Variants in CNTNAP2 observed in about 807,000 individuals in gnomAD.
CNTNAP2 encodes contactin associated protein 2, also known as contactin-associated protein-like 2.
In CNTNAP2, 98 loss-of-function variants were observed where a neutral mutation model predicts 155.2. That is an observed-to-expected ratio of 0.63 (90% confidence interval 0.54 to 0.75). The LOEUF is 0.75. Among genes scored for constraint, CNTNAP2 ranks in the 30% least tolerant of loss-of-function variants. The pLI is 0.00. For synonymous variants in CNTNAP2, 651 were observed against 631.2 expected (o/e 1.03, Z -0.47); for missense variants, 1,727 against 1,688.1 (o/e 1.02, Z -0.40).
intron 3 of CNTNAP2, among the ~76,000 whole-genome samples, chr7:146,958,763 A>G (rs1022932558): frequency 9.2e-5 from 14 of 151,954 alleles, no homozygotes; most frequent in African/African-American, 3.4e-4. Flanking sequence ...TTCATCTGTC[A>G]TATATAGCCT....
At chr7:146,133,153 C>G (rs1024013375) in intron 1 of CNTNAP2, among the ~76,000 whole-genome samples, 6 of 151,878 alleles carry the variant, frequency 4.0e-5, no homozygotes, top group Non-Finnish European at 8.8e-5. Context: ...TTGCATTTCT[C>G]TGATGGCCAG....
At chr7:146,354,411 ATTTTT>A (rs10641636) in intron 1 of CNTNAP2, among the ~76,000 whole-genome samples, 3 of 135,328 alleles carry the variant, frequency 2.2e-5, no homozygotes, top group Admixed American at 7.6e-5. Flanking sequence ...TCTTGTTAGT[ATTTTT>A]TTTTTTTTTT....
intron 1 of CNTNAP2, among the ~76,000 whole-genome samples, chr7:146,455,097 C>T (rs1461324614): frequency 6.6e-6 from 1 of 152,106 alleles, no homozygotes; most frequent in Non-Finnish European, 1.5e-5. Flanking sequence ...ATGTCAAATC[C>T]TTTTATCCTT....
intron 21 of CNTNAP2, among the ~76,000 whole-genome samples, chr7:148,350,561 A>C (rs1224287883): frequency 6.6e-6 from 1 of 152,230 alleles, no homozygotes; most frequent in Non-Finnish European, 1.5e-5. Flanking sequence ...TGTCTCTGAC[A>C]CTAGGTGTTT....
intron 8 of CNTNAP2, among the ~76,000 whole-genome samples, chr7:147,272,805 C>T (rs1804786397): frequency 6.6e-6 from 1 of 152,062 alleles, no homozygotes; most frequent in Admixed American, 6.5e-5. Flanking sequence ...CTGCGCCTGG[C>T]CATGTATTCC....
At chr7:148,285,369 T>C (rs1479013583) in intron 21 of CNTNAP2, among the ~76,000 whole-genome samples, 2 of 152,278 alleles carry the variant, frequency 1.3e-5, no homozygotes, top group Non-Finnish European at 1.5e-5. Flanking sequence ...ACTCCATCTT[T>C]ATTGACTGGG....
chr7:147,650,313 A>G (rs1795430611), intron 13 of CNTNAP2, among the ~76,000 whole-genome samples: 1 of 152,224 alleles, frequency 6.6e-6, no homozygotes, highest in South Asian at 2.1e-4. Context: ...TATTGAGTAT[A>G]AAATATTTAG....
intron 1 of CNTNAP2, among the ~76,000 whole-genome samples, chr7:146,319,045 T>C (rs186760791): frequency 4.5e-4 from 69 of 152,004 alleles, no homozygotes; most frequent in Non-Finnish European, 7.8e-4. Flanking sequence ...ATCCAACATG[T>C]CTTAGGGGTG....
At chr7:147,989,349 G>A (rs61034645) in intron 15 of CNTNAP2, among the ~76,000 whole-genome samples, 1 of 152,184 alleles carries the variant, frequency 6.6e-6, no homozygotes, top group East Asian at 1.9e-4. Flanking sequence ...AACCTCTCTG[G>A]GCTTCTACTT....
chr7:148,033,607 G>T (rs1161084667), intron 15 of CNTNAP2, among the ~76,000 whole-genome samples: 1 of 152,168 alleles, frequency 6.6e-6, no homozygotes, highest in African/African-American at 2.4e-5. Context: ...CTCCTTTAGA[G>T]ATGTCTATTG....
At chr7:147,762,047 G>A (rs1433171877) in intron 13 of CNTNAP2, among the ~76,000 whole-genome samples, 1 of 151,918 alleles carries the variant, frequency 6.6e-6, no homozygotes, top group Non-Finnish European at 1.5e-5. Flanking sequence ...AGTAAACTTA[G>A]AATTTCCATC....
At chr7:147,060,182 T>A (rs961184852) in intron 4 of CNTNAP2, among the ~76,000 whole-genome samples, 14 of 138,248 alleles carry the variant, frequency 1.0e-4, no homozygotes, top group South Asian at 2.3e-4. Flanking sequence ...AGTAACAATT[T>A]AAAAAAAAAA....
intron 13 of CNTNAP2, among the ~76,000 whole-genome samples, chr7:147,840,633 T>C (rs1487675066): frequency 6.6e-6 from 1 of 152,088 alleles, no homozygotes; most frequent in African/African-American, 2.4e-5. Flanking sequence ...GGCTAATTTG[T>C]GCTTAAGAAA....
At chr7:147,042,179 G>A (rs1456946573) in intron 3 of CNTNAP2, among the ~76,000 whole-genome samples, 1 of 152,154 alleles carries the variant, frequency 6.6e-6, no homozygotes, top group Non-Finnish European at 1.5e-5. Flanking sequence ...AGAAGTGTAT[G>A]GCTATTTTTA....
intron 1 of CNTNAP2, among the ~76,000 whole-genome samples, chr7:146,544,892 G>A (rs1405739344): frequency 2.0e-5 from 3 of 151,946 alleles, no homozygotes; most frequent in Non-Finnish European, 4.4e-5. Flanking sequence ...TAGCATAGGA[G>A]GGAGTAGTAT....
intron 3 of CNTNAP2, among the ~76,000 whole-genome samples, chr7:146,878,832 T>A (rs189672339): frequency 1.3e-5 from 2 of 152,150 alleles, no homozygotes; most frequent in Non-Finnish European, 2.9e-5. Context: ...CACTCCCCAT[T>A]GAAATGTCCA....
At chr7:148,163,095 A>G (rs757475511) in intron 17 of CNTNAP2, among the ~76,000 whole-genome samples, 7 of 152,236 alleles carry the variant, frequency 4.6e-5, no homozygotes, top group Non-Finnish European at 1.0e-4. Flanking sequence ...CCTAAGTACA[A>G]CAATGTCTAG....
chr7:146,353,708 A>G (rs750958136), intron 1 of CNTNAP2, among the ~76,000 whole-genome samples: 24 of 152,088 alleles, frequency 1.6e-4, no homozygotes, highest in Admixed American at 3.9e-4. Context: ...AAAGTATGTT[A>G]TATATCCATA....
At chr7:147,161,812 T>TA (rs1802030782) in intron 8 of CNTNAP2, 1 of 152,176 alleles carries the variant, frequency 6.6e-6, no homozygotes, top group Admixed American at 6.6e-5. Flanking sequence ...AGGAGAACCT[T>TA]ACAAGTTTAT....
Sources: gnomAD v4.1 joint callset for allele counts (sites outside exome capture counted in the v4.1 genomes callset) on GRCh38, gnomAD v4.1.1 for gene constraint, MANE v1.5 for transcripts, NCBI Gene and HGNC (gene_info 2026-07-23, HGNC 2026-07-21) for gene names.